The following ACCSL variants were observed in gnomAD, a reference collection of about 807,000 sequenced individuals.
The protein encoded by ACCSL is 1-aminocyclopropane-1-carboxylate synthase homolog (inactive) like.
In ACCSL, 55 loss-of-function variants were observed where a neutral mutation model predicts 61.7. That is an observed-to-expected ratio of 0.89 (90% CI 0.72 to 1.12). The LOEUF (loss-of-function observed/expected upper bound fraction) is 1.12. Among genes scored for constraint, ACCSL ranks in the 50% most tolerant of loss-of-function variants. ACCSL has a pLI of 0.00. For synonymous variants in ACCSL, 258 were observed against 264.3 expected (o/e 0.98, Z 0.23); for missense variants, 632 against 698.0 (o/e 0.91, Z 1.07).
At chr11:44,005,070 C>A in the ACCSL span, among the ~76,000 whole-genome samples, 1 of 150,400 alleles carries the variant, frequency 6.6e-6, no homozygotes, top group Admixed American at 6.6e-5. Context: ...CCTTCTCCCC[C>A]GTGCCAGTCT....
the ACCSL span, among the ~76,000 whole-genome samples, chr11:43,956,602 G>A: frequency 6.6e-6 from 1 of 152,132 alleles, no homozygotes; most frequent in Non-Finnish European, 1.5e-5. Flanking sequence ...TGTATTTTCA[G>A]TAGAGACAGG....
At chr11:43,936,040 C>A in the ACCSL span, among the ~76,000 whole-genome samples, 4,138 of 152,314 alleles carry the variant, frequency 0.027, 100 homozygotes, top group Non-Finnish European at 0.038. Context: ...AGTACCTAAT[C>A]CCCCCAGGCC....
chr11:44,014,913 G>A, the ACCSL span, among the ~76,000 whole-genome samples: 1 of 152,200 alleles, frequency 6.6e-6, no homozygotes, highest in Non-Finnish European at 1.5e-5. Flanking sequence ...CAGACATCTC[G>A]TGGGCCTCAG....
upstream of ACCSL, among the ~76,000 whole-genome samples, chr11:44,047,773 C>A (rs1952608208): frequency 6.6e-6 from 1 of 152,238 alleles, no homozygotes; most frequent in Non-Finnish European, 1.5e-5. Flanking sequence ...CCTCAGAACA[C>A]ATCCTAATGC....
the ACCSL span, among the ~76,000 whole-genome samples, chr11:43,950,521 A>G: frequency 1.1e-4 from 17 of 152,222 alleles, no homozygotes; most frequent in Non-Finnish European, 2.1e-4. Flanking sequence ...TTTCACCAAC[A>G]TTGATTTTTC....
chr11:43,988,806 CTT>C, the ACCSL span, among the ~76,000 whole-genome samples: 3,075 of 96,806 alleles, frequency 0.032, 55 homozygotes, highest in African/African-American at 0.11. Flanking sequence ...ATTCTCTCTT[CTT>C]TTTTTTTTTT....
the ACCSL span, among the ~76,000 whole-genome samples, chr11:44,039,518 G>C: frequency 2.6e-5 from 4 of 152,080 alleles, no homozygotes; most frequent in East Asian, 1.9e-4. Context: ...GGATGGGAAG[G>C]GGGTGAGAGA....
chr11:44,059,018 G>A (rs1328181839), intron 13 of ACCSL, among the ~76,000 whole-genome samples: 3 of 152,140 alleles, frequency 2.0e-5, no homozygotes, highest in Admixed American at 6.5e-5. Flanking sequence ...CGAGGTGGGT[G>A]GATCATGAGG....
chr11:43,978,783 G>GTT, the ACCSL span, among the ~76,000 whole-genome samples: 3,011 of 79,066 alleles, frequency 0.038, 146 homozygotes, highest in East Asian at 0.048. Context: ...GAGAAGGTGG[G>GTT]TTTTTTTTTT....
chr11:44,009,605 A>C, the ACCSL span, among the ~76,000 whole-genome samples: 2 of 152,082 alleles, frequency 1.3e-5, no homozygotes, highest in African/African-American at 2.4e-5. Context: ...GTCTCTACTA[A>C]AAATAAAAAA....
At chr11:43,961,450 A>G in the ACCSL span, among the ~76,000 whole-genome samples, 1 of 152,156 alleles carries the variant, frequency 6.6e-6, no homozygotes, top group Non-Finnish European at 1.5e-5. Flanking sequence ...TCTCCAATGG[A>G]ATATGAGTAA....
At chr11:43,922,726 G>A in the ACCSL span, among the ~76,000 whole-genome samples, 1 of 152,110 alleles carries the variant, frequency 6.6e-6, no homozygotes, top group African/African-American at 2.4e-5. Context: ...GTTTTCCCCG[G>A]TGGTCCTTTC....
upstream of ACCSL, among the ~76,000 whole-genome samples, chr11:44,043,864 A>G (rs1286922733): frequency 6.6e-6 from 1 of 152,130 alleles, no homozygotes; most frequent in East Asian, 1.9e-4. Context: ...CTGTTATTTT[A>G]ATAAATTTTA....
the ACCSL span, among the ~76,000 whole-genome samples, chr11:43,976,865 G>A: frequency 6.6e-6 from 1 of 152,192 alleles, no homozygotes; most frequent in African/African-American, 2.4e-5. Context: ...ACATTATAGT[G>A]TCTCATAGGC....
chr11:44,019,151 A>G, the ACCSL span, among the ~76,000 whole-genome samples: 2 of 152,330 alleles, frequency 1.3e-5, no homozygotes, highest in East Asian at 3.8e-4. Flanking sequence ...CATTGTATGG[A>G]TATATCACAC....
chr11:44,006,279 C>T, the ACCSL span, among the ~76,000 whole-genome samples: 1 of 151,486 alleles, frequency 6.6e-6, no homozygotes, highest in Admixed American at 6.6e-5. Flanking sequence ...CAAAGTGGGA[C>T]CCAGGTGGTT....
chr11:43,933,894 G>A, the ACCSL span, among the ~76,000 whole-genome samples: 1 of 152,106 alleles, frequency 6.6e-6, no homozygotes, highest in Non-Finnish European at 1.5e-5. Context: ...CCTCCGGTGG[G>A]ACCAGCCCTG....
Position 44,048,111 on chromosome 11 carries a change from C to G in ACCSL, c.75C>G (p.Ile25Met). ...RRGRVPRDHS[I>M]YTQLLEITLH... Reference sequence around the variant, plus strand: ...GCCGGGTCCCCAGAGACCACAGCATCTATACCCAGCTGTTGGAGATAACGC... The same window carrying G: ...GCCGGGTCCCCAGAGACCACAGCATGTATACCCAGCTGTTGGAGATAACGC... The change falls in exon 1 of 14, where the codon ATC (isoleucine) becomes ATG (methionine). Residue 25 changes from isoleucine to methionine, a missense_variant. Transcript: ENST00000378832. The G allele has an allele frequency of 6.2e-7, 1 of 1,614,210 alleles. No individual in the cohort carries two copies.
chr11:43,965,709 A>G, the ACCSL span, among the ~76,000 whole-genome samples: 1 of 152,224 alleles, frequency 6.6e-6, no homozygotes, highest in Non-Finnish European at 1.5e-5. Flanking sequence ...TTCAGAATCT[A>G]CTACAAAGCT....
Sources: gnomAD v4.1 joint callset for allele counts (sites outside exome capture counted in the v4.1 genomes callset) on GRCh38, gnomAD v4.1.1 for gene constraint, MANE v1.5 for transcripts, NCBI Gene and HGNC (gene_info 2026-07-23, HGNC 2026-07-21) for gene names.